Variants in ARL15 observed in about 807,000 individuals in gnomAD.
The protein encoded by ARL15 is ARF like GTPase 15.
A neutral mutation model predicts 25.2 loss-of-function variants in ARL15; 19 were observed. The observed-to-expected ratio is 0.75, with a 90% confidence interval of 0.53 to 1.10. The LOEUF (loss-of-function observed/expected upper bound fraction) is 1.10, where lower values mean the gene tolerates loss of function less well. Among genes scored for constraint, ARL15 ranks in the 50% least tolerant of loss-of-function variants. ARL15 has a pLI of 0.00. For missense variants in ARL15, 220 were observed against 246.0 expected (o/e 0.89, Z 0.71); for synonymous variants, 94 against 86.8 (o/e 1.08, Z -0.46).
chr5:53,953,977 G>A (rs1280054688), intron 4 of ARL15, among the ~76,000 whole-genome samples: 1 of 151,672 alleles, frequency 6.6e-6, no homozygotes, highest in South Asian at 2.1e-4. Flanking sequence ...TAAACATATG[G>A]TATAAGAATA....
chr5:54,217,362 TA>T (rs1395772065), intron 1 of ARL15, among the ~76,000 whole-genome samples: 1 of 152,154 alleles, frequency 6.6e-6, no homozygotes, highest in African/African-American at 2.4e-5. Flanking sequence ...CACAGATCGT[TA>T]GTTATATTTA....
At chr5:54,085,522 C>T (rs999519358) in intron 4 of ARL15, among the ~76,000 whole-genome samples, 1 of 152,122 alleles carries the variant, frequency 6.6e-6, no homozygotes, top group African/African-American at 2.4e-5. Flanking sequence ...ACTGAACGTA[C>T]AGACTAAAAT....
intron 4 of ARL15, among the ~76,000 whole-genome samples, chr5:53,994,502 G>A (rs1748606657): frequency 6.6e-6 from 1 of 152,198 alleles, no homozygotes; most frequent in Non-Finnish European, 1.5e-5. Flanking sequence ...CTCTGGGGAA[G>A]AGAGGCTGAA....
chr5:54,220,394 A>G (rs1483157030), intron 1 of ARL15, among the ~76,000 whole-genome samples: 1 of 152,104 alleles, frequency 6.6e-6, no homozygotes, highest in East Asian at 1.9e-4. Flanking sequence ...AGCTTTCCAG[A>G]GTCAATGGTT....
intron 4 of ARL15, among the ~76,000 whole-genome samples, chr5:54,103,245 T>C (rs753183359): frequency 6.6e-6 from 1 of 152,160 alleles, no homozygotes; most frequent in Non-Finnish European, 1.5e-5. Flanking sequence ...ACCACTTCAC[T>C]ATTAGATACT....
chr5:53,912,410 G>A lies in ARL15; in HGVS notation c.463-25697C>T, dbSNP rs59913958. ...ATGAAAAATCAGTGATTAATAACAC[G>A]AAATGAAATCCAACAGTATGTAACT... is the stretch of plus-strand genomic sequence containing the variant. On this transcript the variant is annotated intron_variant, in intron 4 of 4. Transcript: ENST00000504924. Among the ~76,000 whole-genome samples the A allele has an allele frequency of 8.8e-3, 1,335 of 152,188 alleles. 18 individuals carry two copies. The highest frequency in any genetic ancestry group is 0.031 in the African/African-American group (1,277 of 41,496).
At chr5:53,943,258 C>T (rs1240880151) in intron 4 of ARL15, among the ~76,000 whole-genome samples, 12 of 152,074 alleles carry the variant, frequency 7.9e-5, no homozygotes, top group Admixed American at 7.9e-4. Flanking sequence ...GAAAATGTAA[C>T]TTCAGTAGGT....
intron 4 of ARL15, among the ~76,000 whole-genome samples, chr5:53,993,711 AG>A (rs980580868): frequency 3.9e-4 from 60 of 152,076 alleles, no homozygotes; most frequent in African/African-American, 1.4e-3. Flanking sequence ...ACACAATTCT[AG>A]GTAATAGCAA....
At chr5:53,996,390 G>A (rs1199375497) in intron 4 of ARL15, among the ~76,000 whole-genome samples, 2 of 151,848 alleles carry the variant, frequency 1.3e-5, no homozygotes, top group Non-Finnish European at 2.9e-5. Flanking sequence ...AGACTGAGGC[G>A]GGTAGATCAT....
At chr5:54,207,642 C>T (rs1359547038) in intron 1 of ARL15, among the ~76,000 whole-genome samples, 1 of 152,128 alleles carries the variant, frequency 6.6e-6, no homozygotes, top group Admixed American at 6.5e-5. Flanking sequence ...AACTAGAAAG[C>T]AGAAGAACAA....
chr5:53,937,909 C>T (rs1746404671), intron 4 of ARL15, among the ~76,000 whole-genome samples: 1 of 151,904 alleles, frequency 6.6e-6, no homozygotes, highest in Non-Finnish European at 1.5e-5. Context: ...CAGTGCACAG[C>T]CAGTTTAACC....
At chr5:54,089,375 T>A (rs1752065825) in intron 4 of ARL15, among the ~76,000 whole-genome samples, 1 of 152,164 alleles carries the variant, frequency 6.6e-6, no homozygotes, top group African/African-American at 2.4e-5. Flanking sequence ...TATTAGATAA[T>A]AAATTTAGGT....
chr5:54,189,866 T>C (rs1041023428), intron 1 of ARL15, among the ~76,000 whole-genome samples: 4 of 152,088 alleles, frequency 2.6e-5, no homozygotes, highest in Admixed American at 6.6e-5. Context: ...AAAATGTCAA[T>C]AGTGTAAAAA....
intron 1 of ARL15, among the ~76,000 whole-genome samples, chr5:54,212,223 G>T (rs948771127): frequency 2.0e-5 from 3 of 152,138 alleles, no homozygotes; most frequent in Non-Finnish European, 4.4e-5. Flanking sequence ...CCAACCAATG[G>T]TTTAACCAAA....
chr5:54,117,370 TACACACACACACAC>T (rs71600803), intron 3 of ARL15, among the ~76,000 whole-genome samples: 1 of 143,782 alleles, frequency 7.0e-6, no homozygotes, highest in African/African-American at 2.6e-5. Flanking sequence ...GTGAGACACA[TACACACACACACAC>T]ACACACACAC....
chr5:54,300,092 G>A (rs1347716426), intron 1 of ARL15, among the ~76,000 whole-genome samples: 2 of 152,088 alleles, frequency 1.3e-5, no homozygotes, highest in Non-Finnish European at 2.9e-5. Context: ...ACCTACAGTG[G>A]TTTTAAAACA....
intron 2 of ARL15, among the ~76,000 whole-genome samples, chr5:54,164,464 C>T (rs1416940236): frequency 6.6e-6 from 1 of 152,004 alleles, no homozygotes; most frequent in Non-Finnish European, 1.5e-5. Flanking sequence ...GAGAAACTGA[C>T]GTCGCTGATT....
At chr5:54,044,821 G>A (rs895036155) in intron 4 of ARL15, among the ~76,000 whole-genome samples, 2 of 152,064 alleles carry the variant, frequency 1.3e-5, no homozygotes, top group Non-Finnish European at 2.9e-5. Context: ...ACAAAACTTT[G>A]ACAATTTCAC....
intron 1 of ARL15, among the ~76,000 whole-genome samples, chr5:54,302,097 A>C (rs1328927013): frequency 2.0e-5 from 3 of 152,132 alleles, no homozygotes; most frequent in Non-Finnish European, 4.4e-5. Context: ...AAACCCACAC[A>C]ACTTTCCCAG....
Sources: gnomAD v4.1 joint callset for allele counts (sites outside exome capture counted in the v4.1 genomes callset) on GRCh38, gnomAD v4.1.1 for gene constraint, MANE v1.5 for transcripts, NCBI Gene and HGNC (gene_info 2026-07-23, HGNC 2026-07-21) for gene names.